Variants in DCP2 observed in about 807,000 individuals in gnomAD.
DCP2 encodes m7GpppN-mRNA hydrolase.
DCP2 carries 30 observed loss-of-function variants against 56.1 expected under a neutral mutation model. The observed-to-expected ratio is 0.53, with a 90% CI of 0.40 to 0.73. The LOEUF (loss-of-function observed/expected upper bound fraction) is 0.73. Among genes scored for constraint, DCP2 ranks in the 30% least tolerant of loss-of-function variants. DCP2 has a pLI of 0.00. For synonymous variants in DCP2, 197 were observed against 163.3 expected, an observed-to-expected ratio of 1.21 and a Z score of -1.57; for missense variants, 533 against 502.7, an observed-to-expected ratio of 1.06 and a Z score of -0.58.
At chr5:112,992,038 A>G (rs1004490533) in intron 2 of DCP2, 83 bp from the exon 3 acceptor site, 9 of 1,539,002 alleles carry the variant, frequency 5.8e-6, no homozygotes, top group African/African-American at 2.8e-5. Context: ...GAAATACACT[A>G]TTGATTTAAA....
rs149992344 is a variant in DCP2 at position 112,992,744 on chromosome 5, G to T, written c.406G>T (p.Ala136Ser). The change falls in exon 4 of 11, where the codon GCT becomes TCT. Residue 136 changes from alanine to serine, a missense_variant. Around this residue, in one of 3 missense-constraint regions of DCP2, gnomAD observed 392 missense variants for 346.6 expected, o/e 1.13. Transcript: ENST00000389063. ...FPKGKVNKEEAPHDCAAREVF... is the reference protein window; with the variant it reads ...FPKGKVNKEESPHDCAAREVF... ...AAAAGGAAAAGTAAATAAAGAAGAA[G>T]CTCCTCATGATTGTGCTGCTAGAGA... 4.4e-6 allele frequency: 7 copies of T among 1,589,448 alleles called. No individual in the cohort carries two copies. The East Asian group carries it at 1.4e-4, about 31-fold the overall frequency.
chr5:112,995,654 T>C (rs894559358), intron 4 of DCP2, among the ~76,000 whole-genome samples: 1 of 152,266 alleles, frequency 6.6e-6, no homozygotes, highest in African/African-American at 2.4e-5. Flanking sequence ...AACATTCTTT[T>C]TGATCTCTAT....
chr5:112,990,227 C>T (rs907409745), intron 2 of DCP2, among the ~76,000 whole-genome samples: 2 of 152,150 alleles, frequency 1.3e-5, no homozygotes, highest in South Asian at 2.1e-4. Context: ...CATACGTTCT[C>T]GAGCCACATC....
chr5:112,984,426 A>C (rs1277857172), intron 1 of DCP2: 1 of 152,018 alleles, frequency 6.6e-6, no homozygotes, highest in Non-Finnish European at 1.5e-5. Flanking sequence ...CCGCCTGGAG[A>C]GATAACCATA....
intron 7 of DCP2, among the ~76,000 whole-genome samples, chr5:113,003,329 T>C (rs1749267277): frequency 6.6e-6 from 1 of 152,210 alleles, no homozygotes; most frequent in Non-Finnish European, 1.5e-5. Context: ...TTCATTATCT[T>C]GTGCCCTTTA....
Position 112,992,659 on chromosome 5 carries a change from G to T in DCP2, c.334-13G>T, listed in dbSNP as rs547351729. On this transcript the variant is annotated splice_polypyrimidine_tract_variant and intron_variant, in intron 3 of 10. Transcript: ENST00000389063. The stretch of plus-strand genomic sequence containing the variant: ...GAGGGCAAGTTTGATTTTTACTTCT[G>T]CTTGTTTTGTAGGTACTACTAGTTC... The T allele has an allele frequency of 3.2e-6, 5 of 1,553,186 alleles. No individual in the cohort carries two copies. In the East Asian group the frequency reaches 1.2e-4, roughly 36 times the overall value.
chr5:112,995,186 A>G (rs984025299), intron 4 of DCP2, among the ~76,000 whole-genome samples: 27 of 152,226 alleles, frequency 1.8e-4, no homozygotes, highest in African/African-American at 6.3e-4. Context: ...ACAACAGCCT[A>G]TAGACAAAGC....
intron 2 of DCP2, among the ~76,000 whole-genome samples, chr5:112,988,622 A>G (rs923422696): frequency 6.6e-6 from 1 of 152,142 alleles, no homozygotes; most frequent in Non-Finnish European, 1.5e-5. Flanking sequence ...CTGATGGGAG[A>G]CAGATTTCAA....
chr5:112,988,832 G>T (rs1277371074), intron 2 of DCP2, among the ~76,000 whole-genome samples: 1 of 152,188 alleles, frequency 6.6e-6, no homozygotes, highest in Non-Finnish European at 1.5e-5. Flanking sequence ...TTTTGCTTTG[G>T]TCATTTTGTA....
intron 2 of DCP2, 61 bp downstream of exon 2, chr5:112,986,047 T>C (rs1748268148): frequency 1.4e-6 from 2 of 1,442,214 alleles, no homozygotes; most frequent in East Asian, 2.3e-5. Context: ...TAGCACAAAT[T>C]TCTTTTTGCT....
chr5:112,994,555 A>G (rs1353650798), intron 4 of DCP2, among the ~76,000 whole-genome samples: 1 of 152,108 alleles, frequency 6.6e-6, no homozygotes, highest in African/African-American at 2.4e-5. Flanking sequence ...CTTCAATAGC[A>G]GTTATTGTCT....
intron 10 of DCP2, 67 bp downstream of exon 10, chr5:113,010,874 A>G: frequency 2.0e-6 from 3 of 1,496,304 alleles, no homozygotes; most frequent in Non-Finnish European, 2.7e-6. Context: ...CCTAACTTTG[A>G]TTTTAGTGGG....
At position 113,021,987 on chromosome 5, in the gene DCP2, C is replaced by T. The variant is rs1750167132; in HGVS notation, c.*8503C>T. 6.6e-6 allele frequency: 1 copy of T among 152,158 alleles called. No homozygotes were observed. Among genetic ancestry groups the T allele is most frequent in the African/African-American group, 2.4e-5 (1 of 41,422 alleles). 9.4% of individuals were successfully genotyped at this position (152,158 alleles called of 1,614,324 possible). A position where few individuals can be genotyped will look rare whatever the true frequency, so the allele number is the denominator to read the frequency against. On this transcript the variant is annotated 3_prime_UTR_variant, in exon 11 of 11. Transcript: ENST00000389063. ...TAATAGTCTTACTTCTAGACCCCTG[C>T]TTTGACTAGGGCTCTTGATTTCATG...
intron 8 of DCP2, among the ~76,000 whole-genome samples, chr5:113,004,411 G>T (rs894219503): frequency 6.6e-6 from 1 of 152,184 alleles, no homozygotes; most frequent in African/African-American, 2.4e-5. Flanking sequence ...AAGTAACAGC[G>T]TATTGTAAAC....
At position 112,992,188 on chromosome 5, in the gene DCP2, G is replaced by C. The variant is rs1748626108; in HGVS notation, c.273G>C (p.Lys91Asn). The change falls in exon 3 of 11, where the codon AAG becomes AAC. Residue 91 changes from lysine (K) to asparagine (N), a missense_variant. Transcript: ENST00000389063. ...EDVEKVLDEW[K>N]EYKMGVPTYG... is the part of the protein sequence containing the mutation. ...TGGAAAAAGTTTTGGATGAATGGAA[G>C]GAATATAAAATGGGAGTACCAACAT... 6.2e-7 allele frequency: 1 copy of C among 1,613,714 alleles called. No individual in the cohort carries two copies. Among genetic ancestry groups the C allele is most frequent in the African/African-American group, 1.3e-5 (1 of 74,904 alleles).
intron 1 of DCP2, among the ~76,000 whole-genome samples, chr5:112,985,218 T>A (rs1049643515): frequency 2.0e-5 from 3 of 152,164 alleles, no homozygotes; most frequent in African/African-American, 4.8e-5. Flanking sequence ...ATTACATATG[T>A]GTACATGCAA....
At position 113,001,593 on chromosome 5, in the gene DCP2, G is replaced by A. The variant is rs1435460045; in HGVS notation, c.725G>A (p.Arg242Lys). Reference protein sequence around the residue: ...IRPLRDWLSRRFGDSSDSDNG... With the variant: ...IRPLRDWLSRKFGDSSDSDNG... ...CCATTAAGGGACTGGCTTTCTCGAA[G>A]ATTTGGCGATTCCTCAGACAGTGAC... The change falls in exon 7 of 11, where the codon AGA becomes AAA. Residue 242 changes from arginine to lysine, a missense_variant. Transcript: ENST00000389063. 1 of 1,614,052 alleles carries A rather than the reference G, an allele frequency of 6.2e-7. No homozygotes were observed. Among genetic ancestry groups the A allele is most frequent in the African/African-American group, 1.3e-5 (1 of 74,918 alleles).
chr5:112,981,733 T>C lies in DCP2; in HGVS notation c.54-4102T>C, dbSNP rs149531979. 4.7e-4 allele frequency among the ~76,000 whole-genome samples: 72 copies of C among 152,284 alleles called. No homozygotes were observed. The East Asian group carries it at 0.013, about 28-fold the overall frequency. On this transcript the variant is annotated intron_variant, in intron 1 of 10. Transcript: ENST00000389063. ...TTAGTTTTTTCTTTGGGGAAAGAAATATATGCTTTTGTTACTATTGCTTGA... is the reference window on the plus strand; with the variant it reads ...TTAGTTTTTTCTTTGGGGAAAGAAACATATGCTTTTGTTACTATTGCTTGA...
At position 112,992,689 on chromosome 5, in the gene DCP2, G is replaced by C. The variant is rs915022366; in HGVS notation, c.351G>C (p.Gly117=). The C allele has an allele frequency of 1.3e-6, 2 of 1,582,108 alleles. No individual in the cohort carries two copies. The highest frequency in any genetic ancestry group is 2.4e-5 in the East Asian group (1 of 42,526). The change falls in exon 4 of 11, where the codon GGG becomes GGC. Residue 117 remains glycine (G), a synonymous_variant. Coordinates refer to ENST00000389063, the MANE Select transcript of DCP2 (RefSeq NM_152624.6). The stretch of plus-strand genomic sequence containing the variant: ...TTTTGTAGGTACTACTAGTTCAGGG[G>C]TACCTAGCAAAATCAGGCTGGGGAT... ...ETLENVLLVQ[G]YLAKSGWGFP...
Sources: gnomAD v4.1 joint callset for allele counts (sites outside exome capture counted in the v4.1 genomes callset) on GRCh38, gnomAD v4.1.1 for gene constraint, gnomAD v4.1.1 regional missense constraint, MANE v1.5 for transcripts, NCBI Gene and HGNC (gene_info 2026-07-23, HGNC 2026-07-21) for gene names.